RBFOX1: variants seen among roughly 807,000 people sequenced by gnomAD.
RBFOX1 encodes the protein RNA binding protein fox-1 homolog 1.
A neutral mutation model predicts 57.7 loss-of-function variants in RBFOX1; 8 were observed. The observed-to-expected ratio is 0.14, with a 90% CI of 0.08 to 0.25. The LOEUF is 0.25. Ranked by LOEUF, RBFOX1 falls within the 10% of genes least tolerant of loss-of-function variation. RBFOX1 has a pLI of 1.00. For synonymous variants in RBFOX1, 326 were observed against 222.4 expected (o/e 1.47, Z -4.15); for missense variants, 611 against 548.5 (o/e 1.11, Z -1.14).
intron 4 of RBFOX1, among the ~76,000 whole-genome samples, chr16:7,097,998 C>A (rs574018735): frequency 2.0e-5 from 3 of 152,006 alleles, no homozygotes; most frequent in African/African-American, 7.3e-5. Context: ...CAAGAATCTT[C>A]GAGGGCATTT....
At chr16:6,280,065 G>T in intron 1 of RBFOX1, among the ~76,000 whole-genome samples, 1 of 151,982 alleles carries the variant, frequency 6.6e-6, no homozygotes. Flanking sequence ...ATTCATCCTA[G>T]AAAAGACAGA....
intron 3 of RBFOX1, among the ~76,000 whole-genome samples, chr16:5,624,716 C>G (rs2048299195): frequency 6.6e-6 from 1 of 152,234 alleles, no homozygotes; most frequent in Admixed American, 6.5e-5. Flanking sequence ...GGCTAGCTGG[C>G]TTGGACACAG....
chr16:5,929,908 G>T (rs887756935), intron 4 of RBFOX1, among the ~76,000 whole-genome samples: 1 of 148,882 alleles, frequency 6.7e-6, no homozygotes, highest in Non-Finnish European at 1.5e-5. Flanking sequence ...TGAGGGTGGG[G>T]AGGGTGGGAA....
At chr16:6,137,572 C>A (rs1049963728) in intron 1 of RBFOX1, among the ~76,000 whole-genome samples, 2 of 148,780 alleles carry the variant, frequency 1.3e-5, no homozygotes, top group East Asian at 4.0e-4. Context: ...TCCCAAAGTG[C>A]TGGGATTATA....
chr16:5,802,225 A>G (rs918052967), intron 3 of RBFOX1, among the ~76,000 whole-genome samples: 2 of 152,150 alleles, frequency 1.3e-5, no homozygotes, highest in Non-Finnish European at 2.9e-5. Context: ...GGAAGCCTGA[A>G]ATAATTCCTC....
At chr16:6,959,962 A>G (rs924447569) in intron 3 of RBFOX1, among the ~76,000 whole-genome samples, 3 of 152,142 alleles carry the variant, frequency 2.0e-5, no homozygotes, top group African/African-American at 7.2e-5. Flanking sequence ...AATAAATGCC[A>G]AGAAAGCCAG....
At chr16:6,639,163 C>T (rs753701571) in intron 2 of RBFOX1, among the ~76,000 whole-genome samples, 10 of 152,168 alleles carry the variant, frequency 6.6e-5, no homozygotes, top group Non-Finnish European at 1.3e-4. Context: ...TTTTTCAAAT[C>T]ATGTGCGCTA....
intron 3 of RBFOX1, among the ~76,000 whole-genome samples, chr16:6,834,492 A>T (rs2092942719): frequency 6.9e-6 from 1 of 144,038 alleles, no homozygotes; most frequent in Admixed American, 7.2e-5. Context: ...AGTACTCAGT[A>T]ACTGTTTATT....
At chr16:5,358,088 A>C (rs574077654) in intron 1 of RBFOX1, among the ~76,000 whole-genome samples, 1 of 152,016 alleles carries the variant, frequency 6.6e-6, no homozygotes, top group Non-Finnish European at 1.5e-5. Context: ...TATGGCTTCC[A>C]CTGGAGGGCT....
chr16:6,283,702 C>G (rs1221568086), intron 1 of RBFOX1, among the ~76,000 whole-genome samples: 1 of 152,192 alleles, frequency 6.6e-6, no homozygotes, highest in Non-Finnish European at 1.5e-5. Context: ...ACCCAGAGAT[C>G]CTTCCAGAAG....
At position 6,778,919 on chromosome 16, in the gene RBFOX1, G is replaced by C. The variant is rs1050843634; in HGVS notation, c.-16+124269G>C. 2.0e-5 allele frequency among the ~76,000 whole-genome samples: 3 copies of C among 151,408 alleles called. 1 individual carries two copies. Among genetic ancestry groups the C allele is most frequent in the African/African-American group, 2.4e-5 (1 of 41,218 alleles). On this transcript the variant is annotated intron_variant, in intron 3 of 15. Transcript: ENST00000550418. ...ATGGAAGAGTTGTACATATTTATGG[G>C]GACATTTTTATAAAAGCATACAATG... is the stretch of plus-strand genomic sequence containing the variant.
chr16:7,248,787 C>T (rs1268001910), intron 4 of RBFOX1, among the ~76,000 whole-genome samples: 1 of 152,132 alleles, frequency 6.6e-6, no homozygotes, highest in Non-Finnish European at 1.5e-5. Context: ...AGAGATATAT[C>T]AGGGAAAATG....
At chr16:6,708,947 G>C (rs927813183) in intron 3 of RBFOX1, among the ~76,000 whole-genome samples, 1 of 151,488 alleles carries the variant, frequency 6.6e-6, no homozygotes, top group Non-Finnish European at 1.5e-5. Context: ...TAGTGGCCTA[G>C]TAGCGGTGGC....
At chr16:7,386,501 T>C (rs2097885036) in intron 4 of RBFOX1, among the ~76,000 whole-genome samples, 1 of 152,006 alleles carries the variant, frequency 6.6e-6, no homozygotes, top group Non-Finnish European at 1.5e-5. Context: ...TTGTGTTAGT[T>C]TGATGAGAAT....
At chr16:7,311,657 C>G (rs1260656791) in intron 4 of RBFOX1, among the ~76,000 whole-genome samples, 1 of 151,970 alleles carries the variant, frequency 6.6e-6, no homozygotes, top group Non-Finnish European at 1.5e-5. Context: ...AGGTTGAGAG[C>G]AATATTGGTA....
rs571405738 is a variant in RBFOX1 at position 7,027,423 on chromosome 16, T to C, written c.-15-24634T>C. On this transcript the variant is annotated intron_variant, in intron 3 of 15. Transcript: ENST00000550418. Reference sequence around the variant, plus strand: ...CCCTGTAAGTTAGACACCCTTAACATCTCCTTTTTTCAGGTGGAATAGGAG... The same window carrying C: ...CCCTGTAAGTTAGACACCCTTAACACCTCCTTTTTTCAGGTGGAATAGGAG... 2.6e-5 allele frequency among the ~76,000 whole-genome samples: 4 copies of C among 152,238 alleles called. No homozygotes were observed. In the East Asian group the frequency reaches 7.7e-4, roughly 29 times the overall value.
At chr16:5,289,068 T>A (rs1215560040) in intron 1 of RBFOX1, 1 of 159,440 alleles carries the variant, frequency 6.3e-6, no homozygotes. Context: ...GAGATTTCAG[T>A]GAGCTGAGAT....
chr16:6,488,252 G>C (rs2095549654), intron 2 of RBFOX1, among the ~76,000 whole-genome samples: 3 of 152,190 alleles, frequency 2.0e-5, no homozygotes, highest in African/African-American at 7.2e-5. Context: ...GTAGTCTCTA[G>C]TTGTGAGGAA....
chr16:7,518,138 A>G lies in RBFOX1; in HGVS notation c.28-9A>G. On this transcript the variant is annotated splice_polypyrimidine_tract_variant and intron_variant, in intron 4 of 15. Transcript: ENST00000550418. ...TTCTCTCCCTCTCTGCACCTTTTTGATTTTTCAGGGTAATCAGGAAGCAGC... is the reference window on the plus strand; with the variant it reads ...TTCTCTCCCTCTCTGCACCTTTTTGGTTTTTCAGGGTAATCAGGAAGCAGC... The G allele has an allele frequency of 6.2e-7, 1 of 1,602,024 alleles. No individual in the cohort carries two copies. The highest frequency in any genetic ancestry group is 8.5e-7 in the Non-Finnish European group (1 of 1,174,756).
Sources: gnomAD v4.1 joint callset for allele counts (sites outside exome capture counted in the v4.1 genomes callset) on GRCh38, gnomAD v4.1.1 for gene constraint, MANE v1.5 for transcripts, NCBI Gene and HGNC (gene_info 2026-07-23, HGNC 2026-07-21) for gene names.